Variants in HSD17B12 observed in about 807,000 individuals in gnomAD.
HSD17B12 encodes hydroxysteroid 17-beta dehydrogenase 12, also known as very-long-chain 3-oxoacyl-CoA reductase.
HSD17B12 carries 32 observed loss-of-function variants against 39.3 expected under a neutral mutation model. That is an observed-to-expected ratio of 0.81 (90% CI 0.61 to 1.09). The LOEUF (loss-of-function observed/expected upper bound fraction) is 1.09, where lower values mean the gene tolerates loss of function less well. Ranked by LOEUF, HSD17B12 falls within the 50% of genes least tolerant of loss-of-function variation. The pLI is 0.00. For synonymous variants in HSD17B12, 150 were observed against 146.7 expected (o/e 1.02, Z -0.16); for missense variants, 342 against 382.9 (o/e 0.89, Z 0.89).
chr11:43,835,966 T>G (rs1429519343), intron 7 of HSD17B12, among the ~76,000 whole-genome samples: 2 of 152,202 alleles, frequency 1.3e-5, no homozygotes, highest in Non-Finnish European at 2.9e-5. Context: ...AGATCATTGC[T>G]TTGGTGAGTG....
At chr11:43,587,519 A>G in the HSD17B12 span, among the ~76,000 whole-genome samples, 6 of 151,830 alleles carry the variant, frequency 4.0e-5, no homozygotes, top group Admixed American at 1.3e-4. Flanking sequence ...TTGCATTTTT[A>G]TTGTGATTTT....
chr11:43,691,867 G>C (rs1420715161), intron 1 of HSD17B12, among the ~76,000 whole-genome samples: 2 of 152,124 alleles, frequency 1.3e-5, no homozygotes, highest in Non-Finnish European at 1.5e-5. Flanking sequence ...AGTAGGTTTT[G>C]GTGGTTGTTG....
upstream of HSD17B12, among the ~76,000 whole-genome samples, chr11:43,676,208 G>GGGGT (rs1554958171): frequency 2.0e-5 from 3 of 147,626 alleles, no homozygotes; most frequent in African/African-American, 7.5e-5. Flanking sequence ...AGAGGAAGAG[G>GGGGT]GTGTGTGTGT....
At chr11:43,634,250 G>A in the HSD17B12 span, among the ~76,000 whole-genome samples, 14 of 151,888 alleles carry the variant, frequency 9.2e-5, no homozygotes, top group Non-Finnish European at 1.6e-4. Flanking sequence ...CCTACCAAAG[G>A]ATGAGGGACC....
intron 9 of HSD17B12, among the ~76,000 whole-genome samples, chr11:43,849,659 C>A (rs151293025): frequency 1.2e-4 from 19 of 152,304 alleles, no homozygotes; most frequent in African/African-American, 4.6e-4. Flanking sequence ...GCAGGCTCAG[C>A]CTCTATCAGC....
chr11:43,617,449 C>T, the HSD17B12 span, among the ~76,000 whole-genome samples: 1 of 152,040 alleles, frequency 6.6e-6, no homozygotes, highest in Non-Finnish European at 1.5e-5. Context: ...TGTTTGTTTC[C>T]ACATCTTTAG....
chr11:43,556,790 C>T, the HSD17B12 span: 4 of 148,370 alleles, frequency 2.7e-5, no homozygotes, highest in African/African-American at 5.0e-5. Flanking sequence ...AGACACATAA[C>T]GTGAAATCCC....
intron 1 of HSD17B12, among the ~76,000 whole-genome samples, chr11:43,721,799 C>T (rs991067630): frequency 1.4e-4 from 21 of 152,202 alleles, no homozygotes; most frequent in African/African-American, 5.1e-4. Flanking sequence ...AACTTGAGCT[C>T]TTATTCTGAG....
At chr11:43,672,302 G>C in the HSD17B12 span, among the ~76,000 whole-genome samples, 1 of 152,086 alleles carries the variant, frequency 6.6e-6, no homozygotes, top group East Asian at 1.9e-4. Context: ...GCCTGCCTCG[G>C]CCTCCCAAAG....
intron 3 of HSD17B12, among the ~76,000 whole-genome samples, chr11:43,786,459 G>T (rs1189996471): frequency 3.3e-5 from 5 of 152,132 alleles, no homozygotes; most frequent in African/African-American, 1.2e-4. Context: ...TTCTTGTTTA[G>T]GTTCTAGCAG....
chr11:43,843,337 A>T (rs1278368261), intron 9 of HSD17B12, among the ~76,000 whole-genome samples: 1 of 152,210 alleles, frequency 6.6e-6, no homozygotes, highest in Non-Finnish European at 1.5e-5. Flanking sequence ...GTTTATGCCC[A>T]CAAATTTTTT....
intron 8 of HSD17B12, among the ~76,000 whole-genome samples, chr11:43,839,373 T>C (rs1951403113): frequency 6.6e-6 from 1 of 152,166 alleles, no homozygotes; most frequent in Admixed American, 6.6e-5. Context: ...TTCTACTCCA[T>C]GGCTACAAAA....
At chr11:43,682,547 A>T (rs1220148063) in intron 1 of HSD17B12, among the ~76,000 whole-genome samples, 1 of 4,424 alleles carries the variant, frequency 2.3e-4, no homozygotes, top group Non-Finnish European at 1.7e-3. Context: ...CTCATCTCAA[A>T]AAAAAAAAAA....
intron 6 of HSD17B12, among the ~76,000 whole-genome samples, chr11:43,821,354 T>C (rs1180694724): frequency 2.6e-5 from 4 of 152,194 alleles, no homozygotes; most frequent in African/African-American, 7.2e-5. Flanking sequence ...TTAAGTGATA[T>C]AGAAACTCTA....
intron 5 of HSD17B12, among the ~76,000 whole-genome samples, chr11:43,816,001 A>G (rs7129046): frequency 0.64 from 96,749 of 152,002 alleles, 31,243 homozygotes; most frequent in East Asian, 0.71. Context: ...AATTTTAAAA[A>G]TTATTGAAAA....
At chr11:43,705,761 C>CTTTT (rs56979348) in intron 1 of HSD17B12, among the ~76,000 whole-genome samples, 3 of 62,436 alleles carry the variant, frequency 4.8e-5, no homozygotes, top group Admixed American at 2.0e-4. Flanking sequence ...CCTCTCTCCT[C>CTTTT]TTTTTTTTTT....
intron 1 of HSD17B12, among the ~76,000 whole-genome samples, chr11:43,735,956 G>C (rs564933174): frequency 9.2e-5 from 14 of 152,142 alleles, no homozygotes; most frequent in African/African-American, 4.8e-5. Context: ...AACAGCATGA[G>C]AATTCCTATT....
the HSD17B12 span, among the ~76,000 whole-genome samples, chr11:43,636,385 G>C: frequency 3.9e-5 from 6 of 152,266 alleles, no homozygotes; most frequent in African/African-American, 1.2e-4. Flanking sequence ...CAGAGTTCTT[G>C]ATTCCTTGGA....
chr11:43,698,489 C>CTATA (rs1377320229), intron 1 of HSD17B12, among the ~76,000 whole-genome samples: 1 of 152,158 alleles, frequency 6.6e-6, no homozygotes, highest in East Asian at 1.9e-4. Context: ...GCACATTGTG[C>CTATA]TATAGTTGGG....
Sources: allele counts gnomAD v4.1 joint callset (sites outside exome capture counted in the v4.1 genomes callset), GRCh38; gene constraint gnomAD v4.1.1; transcripts MANE v1.5; gene names NCBI Gene and HGNC (gene_info 2026-07-23, HGNC 2026-07-21).